The following CNOT4 variants were observed in gnomAD, a reference collection of about 807,000 sequenced individuals.
The protein encoded by CNOT4 is CCR4-associated factor 4.
Under a neutral mutation model 73.8 loss-of-function variants are expected in CNOT4, and 8 were observed. The ratio of observed to expected loss-of-function variants is 0.11; its 90% CI spans 0.06 to 0.20. The LOEUF (loss-of-function observed/expected upper bound fraction) is 0.20. Ranked by LOEUF, CNOT4 falls within the 10% of genes least tolerant of loss-of-function variation. The probability of loss-of-function intolerance (pLI) is 1.00; values close to 1 mark genes in which losing one functional copy is unlikely to be tolerated. For missense variants in CNOT4, 564 were observed against 883.4 expected, an observed-to-expected ratio of 0.64 and a Z score of 4.58; for synonymous variants, 293 against 321.1, an observed-to-expected ratio of 0.91 and a Z score of 0.94.
At chr7:135,470,981 A>G (rs1801542278) in intron 1 of CNOT4, among the ~76,000 whole-genome samples, 1 of 152,216 alleles carries the variant, frequency 6.6e-6, no homozygotes, top group Non-Finnish European at 1.5e-5. Flanking sequence ...AATTGACCTC[A>G]AACTTAAAAC....
At chr7:135,439,144 T>C (rs1799329230) in intron 1 of CNOT4, among the ~76,000 whole-genome samples, 1 of 152,190 alleles carries the variant, frequency 6.6e-6, no homozygotes, top group African/African-American at 2.4e-5. Flanking sequence ...GAGTTTTAAA[T>C]TTTTAGGTAA....
At chr7:135,387,542 T>C in intron 10 of CNOT4, 7 of 967,932 alleles carry the variant, frequency 7.2e-6, no homozygotes, top group Non-Finnish European at 8.6e-6. Flanking sequence ...ATTCACATTA[T>C]CCCCTTTCAT....
intron 2 of CNOT4, among the ~76,000 whole-genome samples, chr7:135,424,064 C>G (rs902047424): frequency 1.3e-5 from 2 of 150,696 alleles, no homozygotes; most frequent in African/African-American, 4.9e-5. Context: ...CACACACACA[C>G]ACACACACAC....
At chr7:135,397,638 G>A (rs1401675388) in intron 8 of CNOT4, among the ~76,000 whole-genome samples, 2 of 149,410 alleles carry the variant, frequency 1.3e-5, no homozygotes, top group Non-Finnish European at 3.0e-5. Context: ...TGAGCAATAA[G>A]ACAAGATGAC....
chr7:135,363,091 C>T lies in CNOT4; in HGVS notation c.1936G>A (p.Gly646Ser), dbSNP rs921743599. The change falls in exon 12 of 12, where the codon GGC becomes AGC. Residue 646 changes from glycine (G) to serine (S), a missense_variant. Physicochemically the swap from Gly to Ser is moderately conservative, Grantham distance 56 (BLOSUM62 0). Around this residue, in one of 10 missense-constraint regions of CNOT4, gnomAD observed 88 missense variants for 94.7 expected, o/e 0.93. Coordinates refer to ENST00000541284, the MANE Select transcript of CNOT4 (RefSeq NM_001190850.2). The surrounding 1 kb of genome is among the most constrained non-coding windows in gnomAD (Gnocchi z 4.3). Reference protein sequence around the residue: ...KSLQALTEMDGPSAAPSQTHH... With the variant: ...KSLQALTEMDSPSAAPSQTHH... ...GTCTGTGATGGAGCAGCGCTGGGGC[C>T]GTCCATCTCTGTGAGGGCCTGAAGG... The T allele has an allele frequency of 1.7e-5, 27 of 1,613,912 alleles. No individual in the cohort carries two copies. The highest frequency in any genetic ancestry group is 1.6e-4 in the Middle Eastern group (1 of 6,062).
At chr7:135,507,832 A>G (rs1034536980) in intron 1 of CNOT4, among the ~76,000 whole-genome samples, 13 of 152,164 alleles carry the variant, frequency 8.5e-5, no homozygotes, top group Non-Finnish European at 1.3e-4. Context: ...CTACTGATAA[A>G]CTAAATGTAA....
chr7:135,500,983 CT>C (rs869117346), intron 1 of CNOT4, among the ~76,000 whole-genome samples: 256 of 134,478 alleles, frequency 1.9e-3, no homozygotes, highest in Middle Eastern at 7.5e-3. Flanking sequence ...TCTACTAAAC[CT>C]TTTTTTTTTT....
intron 1 of CNOT4, among the ~76,000 whole-genome samples, chr7:135,453,847 T>A (rs945572844): frequency 4.2e-5 from 5 of 119,382 alleles, no homozygotes; most frequent in Admixed American, 1.8e-4. Context: ...TATATATATA[T>A]TATATATATA....
intron 10 of CNOT4, among the ~76,000 whole-genome samples, chr7:135,379,934 CAG>C: frequency 2.7e-5 from 2 of 74,336 alleles, no homozygotes; most frequent in South Asian, 1.3e-3. Context: ...AGTCTGATAA[CAG>C]AGTGTAAATG....
In CNOT4 at chr7:135,383,360, A is replaced by G. The variant is rs1795947276; in HGVS notation, c.1627+10558T>C. On this transcript the variant is annotated intron_variant, in intron 10 of 11. Transcript: ENST00000541284. The stretch of plus-strand genomic sequence containing the variant: ...CTTTCACATCATCAGTAACATTTCT[A>G]CCAATCCTTCACACTCACTGGGGCT... 3.1e-5 allele frequency among the ~76,000 whole-genome samples: 3 copies of G among 96,506 alleles called. No homozygotes were observed. The South Asian group carries it at 1.3e-3, about 42-fold the overall frequency. The allele number at this position is 96,506 out of a possible 152,430, so 63.3% of individuals were successfully genotyped here.
At chr7:135,449,518 T>C (rs1800037663) in intron 1 of CNOT4, among the ~76,000 whole-genome samples, 2 of 151,848 alleles carry the variant, frequency 1.3e-5, no homozygotes, top group African/African-American at 4.8e-5. Context: ...AGTAGTAAAA[T>C]TGCACAACAC....
chr7:135,388,072 A>C, intron 10 of CNOT4: 1 of 985,406 alleles, frequency 1.0e-6, no homozygotes, highest in Non-Finnish European at 1.2e-6. Flanking sequence ...TATAAACTGA[A>C]GTTCTGTTTT....
chr7:135,484,482 A>G lies in CNOT4; in HGVS notation c.-93+25407T>C, dbSNP rs371268040. Among the ~76,000 whole-genome samples, 5 of 152,172 alleles carry G rather than the reference A, an allele frequency of 3.3e-5. No individual in the cohort carries two copies. The East Asian group carries it at 7.8e-4, about 24-fold the overall frequency. ...GATGCAAGGTCAACATACAAAAATC[A>G]GTCTTATTTTGTGCCTGTAATCCCA... On this transcript the variant is annotated intron_variant, in intron 1 of 11. Coordinates refer to ENST00000541284, the MANE Select transcript of CNOT4 (RefSeq NM_001190850.2).
intron 6 of CNOT4, 111 bp downstream of exon 6, chr7:135,413,377 A>G (rs1797682218): frequency 1.6e-6 from 2 of 1,229,928 alleles, no homozygotes; most frequent in Non-Finnish European, 1.2e-6. Flanking sequence ...CTTTAAAGTA[A>G]TATCAGTTTT....
chr7:135,374,900 T>C (rs1405088680), intron 10 of CNOT4, among the ~76,000 whole-genome samples: 2 of 152,174 alleles, frequency 1.3e-5, no homozygotes, highest in African/African-American at 2.4e-5. Flanking sequence ...TTTACTTAAA[T>C]AGGCTTATGA....
Position 135,395,619 on chromosome 7 carries a change from AC to A in CNOT4, c.1129+14del. 6.2e-7 allele frequency: 1 copy of A among 1,609,968 alleles called. No homozygotes were observed. Among genetic ancestry groups the A allele is most frequent in the African/African-American group, 1.3e-5 (1 of 74,908 alleles). On this transcript the variant is annotated intron_variant, in intron 9 of 11. Coordinates refer to ENST00000541284, the MANE Select transcript of CNOT4 (RefSeq NM_001190850.2). Reference sequence around the variant, plus strand: ...AAGAGCATAATTACTAATACTTGGTACTATTGTTATATACCTGATGTGAAGA... The same window carrying A: ...AAGAGCATAATTACTAATACTTGGTATATTGTTATATACCTGATGTGAAGA...
At chr7:135,439,455 G>A (rs752269249) in intron 1 of CNOT4, among the ~76,000 whole-genome samples, 1 of 152,074 alleles carries the variant, frequency 6.6e-6, no homozygotes, top group Non-Finnish European at 1.5e-5. Context: ...TTAGACAAAA[G>A]AGCAAAGAAA....
chr7:135,366,936 T>C (rs1182510175), intron 10 of CNOT4, among the ~76,000 whole-genome samples: 1 of 152,172 alleles, frequency 6.6e-6, no homozygotes, highest in African/African-American at 2.4e-5. Flanking sequence ...AAATTTGTCT[T>C]GGCTGCGAGG....
At chr7:135,400,732 T>C (rs2129483643) in intron 7 of CNOT4, among the ~76,000 whole-genome samples, 1 of 152,308 alleles carries the variant, frequency 6.6e-6, no homozygotes. Context: ...GAAGGTTTTA[T>C]CAAAGATGTT....
Sources: allele counts gnomAD v4.1 joint callset (sites outside exome capture counted in the v4.1 genomes callset), GRCh38; gene constraint gnomAD v4.1.1; regional missense constraint gnomAD v4.1.1; non-coding constraint Gnocchi (gnomAD v3.1); transcripts MANE v1.5; gene names NCBI Gene and HGNC (gene_info 2026-07-23, HGNC 2026-07-21).